GRIK4: variants seen among roughly 807,000 people sequenced by gnomAD.
The protein encoded by GRIK4 is glutamate receptor ionotropic, kainate 4.
In GRIK4, 40 loss-of-function variants were observed where a neutral mutation model predicts 104.9. The observed-to-expected ratio is 0.38, with a 90% CI of 0.30 to 0.50. The LOEUF is 0.50. Among genes scored for constraint, GRIK4 ranks in the 20% least tolerant of loss-of-function variants. The probability of loss-of-function intolerance (pLI) is 0.93; values close to 1 mark genes in which losing one functional copy is unlikely to be tolerated. For missense variants in GRIK4, 1,047 were observed against 1,308.1 expected, an observed-to-expected ratio of 0.80 and a Z score of 3.08; for synonymous variants, 485 against 524.9, an observed-to-expected ratio of 0.92 and a Z score of 1.04.
rs1257290393 is a variant in GRIK4, at chr11:120,555,260, A to G, written c.-159+43373A>G. Among the ~76,000 whole-genome samples the G allele has an allele frequency of 3.3e-5, 5 of 152,222 alleles. No homozygotes were observed. The highest frequency in any genetic ancestry group is 1.2e-4 in the African/African-American group (5 of 41,456). ...GGCTGTCCAAAAGCAAAACCCAGCA[A>G]GTGGCTTCCTGTTTATGCATTAGGT... On this transcript the variant is annotated intron_variant, in intron 1 of 20. Coordinates refer to ENST00000527524, the MANE Select transcript of GRIK4 (RefSeq NM_014619.5). The surrounding 1 kb of genome is among the most constrained non-coding windows in gnomAD (Gnocchi z 5.3).
chr11:120,785,815 C>G (rs1228584851), intron 3 of GRIK4, among the ~76,000 whole-genome samples: 1 of 152,204 alleles, frequency 6.6e-6, no homozygotes, highest in East Asian at 1.9e-4. Context: ...CGTCTCCATG[C>G]GCATCCTCCT....
intron 3 of GRIK4, among the ~76,000 whole-genome samples, chr11:120,777,135 C>T (rs1298718778): frequency 2.0e-5 from 3 of 152,152 alleles, no homozygotes; most frequent in Non-Finnish European, 4.4e-5. Flanking sequence ...AAAACACCGA[C>T]GCGGGTTTCT....
At chr11:120,851,868 G>A (rs373167188) in intron 8 of GRIK4, among the ~76,000 whole-genome samples, 97 of 152,316 alleles carry the variant, frequency 6.4e-4, no homozygotes, top group South Asian at 2.5e-3. Flanking sequence ...TAACAGCATC[G>A]CTCATCTTCC....
chr11:120,597,476 G>A (rs1341032560), intron 1 of GRIK4, among the ~76,000 whole-genome samples: 2 of 152,132 alleles, frequency 1.3e-5, no homozygotes, highest in Non-Finnish European at 2.9e-5. Context: ...TTCTCTGACC[G>A]AGCCCCGGGC....
At chr11:120,758,273 G>A (rs1220415511) in intron 3 of GRIK4, among the ~76,000 whole-genome samples, 1 of 152,172 alleles carries the variant, frequency 6.6e-6, no homozygotes, top group Non-Finnish European at 1.5e-5. Flanking sequence ...GGAGTCTTTA[G>A]CAAATCAGTT....
Position 120,516,582 on chromosome 11 carries a change from C to T in GRIK4, c.-159+4695C>T, listed in dbSNP as rs116509039. Among the ~76,000 whole-genome samples, 572 of 151,982 alleles carry T rather than the reference C, an allele frequency of 3.8e-3. 4 individuals carry two copies. Among genetic ancestry groups the T allele is most frequent in the African/African-American group, 0.011 (466 of 41,422 alleles). On this transcript the variant is annotated intron_variant, in intron 1 of 20. Transcript: ENST00000527524. ...GTCAGTGCAGCAGGCTCGGGGGAGC[C>T]GGTGAAGATTCGTGGGCAGAGGAGT...
At chr11:120,698,057 C>A (rs1323027366) in intron 3 of GRIK4, among the ~76,000 whole-genome samples, 2 of 151,952 alleles carry the variant, frequency 1.3e-5, no homozygotes, top group East Asian at 1.9e-4. Context: ...CAAGAGGTGT[C>A]CCCCCTGGCT....
intron 3 of GRIK4, among the ~76,000 whole-genome samples, chr11:120,700,700 G>A (rs1044793542): frequency 3.3e-5 from 5 of 152,020 alleles, no homozygotes; most frequent in African/African-American, 9.7e-5. Flanking sequence ...CTCGTGATCC[G>A]CCCACTTTGG....
intron 2 of GRIK4, among the ~76,000 whole-genome samples, chr11:120,654,589 C>T (rs1949673497): frequency 6.6e-6 from 1 of 152,142 alleles, no homozygotes; most frequent in African/African-American, 2.4e-5. Flanking sequence ...TCTCAAACTC[C>T]TGACCTCACG....
At chr11:120,533,235 C>T (rs1049443827) in intron 1 of GRIK4, among the ~76,000 whole-genome samples, 1 of 152,146 alleles carries the variant, frequency 6.6e-6, no homozygotes, top group African/African-American at 2.4e-5. Flanking sequence ...ACAGCTGGGT[C>T]AGAGGGGACT....
At chr11:120,672,282 G>A (rs1324178497) in intron 3 of GRIK4, among the ~76,000 whole-genome samples, 2 of 152,234 alleles carry the variant, frequency 1.3e-5, no homozygotes, top group Admixed American at 6.5e-5. Flanking sequence ...AAGGCATGAT[G>A]TCAGGCACCT....
chr11:120,531,239 C>T (rs535844957), intron 1 of GRIK4, among the ~76,000 whole-genome samples: 3 of 152,104 alleles, frequency 2.0e-5, no homozygotes, highest in African/African-American at 4.8e-5. Context: ...CATAATTCAT[C>T]CATCAAGGCC....
Position 120,688,308 on chromosome 11 carries a change from T to G in GRIK4, c.82+27908T>G, listed in dbSNP as rs1332593946. Among the ~76,000 whole-genome samples, 4 of 152,218 alleles carry G rather than the reference T, an allele frequency of 2.6e-5. 1 individual carries two copies. On this transcript the variant is annotated intron_variant, in intron 3 of 20. Transcript: ENST00000527524. Reference sequence around the variant, plus strand: ...GTGGAAGCATTGATTGGCCACAAACTATCCCACCCTACCCCGAAGAGGAAG... The same window carrying G: ...GTGGAAGCATTGATTGGCCACAAACGATCCCACCCTACCCCGAAGAGGAAG...
chr11:120,555,316 AG>A lies in GRIK4; in HGVS notation c.-159+43430del, dbSNP rs1565548080. ...AGCTCTCATTACTGGCTGGTGAACCAGAAGCCACTGTGAGGCAGCAAGGGCC... is the reference window on the plus strand; with the variant it reads ...AGCTCTCATTACTGGCTGGTGAACCAAAGCCACTGTGAGGCAGCAAGGGCC... On this transcript the variant is annotated intron_variant, in intron 1 of 20. Coordinates refer to ENST00000527524, the MANE Select transcript of GRIK4 (RefSeq NM_014619.5). The surrounding 1 kb of genome is among the most constrained non-coding windows in gnomAD (Gnocchi z 5.3). Among the ~76,000 whole-genome samples, 1 of 152,240 alleles carries A rather than the reference AG, an allele frequency of 6.6e-6. No homozygotes were observed. Among genetic ancestry groups the A allele is most frequent in the African/African-American group, 2.4e-5 (1 of 41,474 alleles).
At chr11:120,709,221 G>C (rs1335455832) in intron 3 of GRIK4, among the ~76,000 whole-genome samples, 2 of 151,724 alleles carry the variant, frequency 1.3e-5, no homozygotes, top group East Asian at 3.9e-4. Context: ...GAATTCTAAA[G>C]TTTGAGACCC....
intron 3 of GRIK4, among the ~76,000 whole-genome samples, chr11:120,776,083 G>A (rs1247654379): frequency 6.6e-6 from 1 of 152,228 alleles, no homozygotes; most frequent in African/African-American, 2.4e-5. Flanking sequence ...AAATGTGGCG[G>A]AGAAAGGTCA....
chr11:120,898,107 T>C (rs574329112), intron 11 of GRIK4, among the ~76,000 whole-genome samples: 1 of 152,312 alleles, frequency 6.6e-6, no homozygotes, highest in East Asian at 1.9e-4. Flanking sequence ...TCAAAGGGCA[T>C]AGTTCTCTCC....
intron 18 of GRIK4, among the ~76,000 whole-genome samples, chr11:120,963,577 A>C (rs1420674938): frequency 6.6e-6 from 1 of 152,236 alleles, no homozygotes; most frequent in Non-Finnish European, 1.5e-5. Flanking sequence ...ACAGGGGAAG[A>C]AGCAGGAATC....
chr11:120,750,280 C>T lies in GRIK4; in HGVS notation c.83-52413C>T, dbSNP rs1951525049. Among the ~76,000 whole-genome samples the T allele has an allele frequency of 2.0e-5, 3 of 151,496 alleles. No homozygotes were observed. The South Asian group carries it at 6.3e-4, about 32-fold the overall frequency. ...TCACTGAATTGAAAAAAACAAATTG[C>T]CAAGACATAGTCTTGGTACACCCTA... On this transcript the variant is annotated intron_variant, in intron 3 of 20. Transcript: ENST00000527524.
Sources: gnomAD v4.1 joint callset for allele counts (sites outside exome capture counted in the v4.1 genomes callset) on GRCh38, gnomAD v4.1.1 for gene constraint, Gnocchi (gnomAD v3.1) non-coding constraint, MANE v1.5 for transcripts, NCBI Gene and HGNC (gene_info 2026-07-23, HGNC 2026-07-21) for gene names.